The following ACYP2 variants were observed in gnomAD, a reference collection of about 807,000 sequenced individuals.
ACYP2 encodes acylphosphatase-2.
Under a neutral mutation model 11.2 loss-of-function variants are expected in ACYP2, and 12 were observed. That is an observed-to-expected ratio of 1.08 (90% CI 0.69 to 1.74). The LOEUF is 1.74. Among genes scored for constraint, ACYP2 ranks in the 40% most tolerant of loss-of-function variants. The pLI is 0.00. For synonymous variants in ACYP2, 43 were observed against 32.2 expected (o/e 1.33, Z -1.13); for missense variants, 134 against 101.9 (o/e 1.31, Z -1.35).
intron 6 of ACYP2, among the ~76,000 whole-genome samples, chr2:54,190,070 A>G (rs10210106): frequency 0.1 from 15,771 of 152,082 alleles, 1,824 homozygotes; most frequent in African/African-American, 0.28. Flanking sequence ...TTTTCTTGCT[A>G]TTGAGTTGTA....
At chr2:54,173,729 A>G (rs1025145785) in intron 6 of ACYP2, among the ~76,000 whole-genome samples, 2 of 152,152 alleles carry the variant, frequency 1.3e-5, no homozygotes. Flanking sequence ...GGTGTAAGGA[A>G]GGGATCCAGT....
chr2:53,993,856 T>G (rs2104521167), intron 2 of ACYP2, among the ~76,000 whole-genome samples: 1 of 151,492 alleles, frequency 6.6e-6, no homozygotes, highest in African/African-American at 2.4e-5. Flanking sequence ...ATTTGTAAAG[T>G]AAGGAAGAAA....
intron 2 of ACYP2, among the ~76,000 whole-genome samples, chr2:54,028,507 C>T (rs561065330): frequency 6.6e-6 from 1 of 152,248 alleles, no homozygotes; most frequent in African/African-American, 2.4e-5. Flanking sequence ...TACTTAAAGT[C>T]CAGACCCACC....
chr2:54,046,722 T>G (rs1475844476), intron 2 of ACYP2, among the ~76,000 whole-genome samples: 1 of 152,168 alleles, frequency 6.6e-6, no homozygotes, highest in Non-Finnish European at 1.5e-5. Context: ...GCCCTGTGCT[T>G]AGAAGGGCTT....
chr2:54,232,918 G>C (rs763022992), intron 6 of ACYP2, among the ~76,000 whole-genome samples: 1 of 152,098 alleles, frequency 6.6e-6, no homozygotes, highest in Non-Finnish European at 1.5e-5. Flanking sequence ...ATGAGATTTG[G>C]GTGGGGACAC....
chr2:54,153,408 A>T (rs1682275493), intron 6 of ACYP2, among the ~76,000 whole-genome samples: 1 of 150,164 alleles, frequency 6.7e-6, no homozygotes. Context: ...AGTCAGGTAG[A>T]ATGTTGCCTC....
intron 6 of ACYP2, among the ~76,000 whole-genome samples, chr2:54,195,459 G>A (rs76323580): frequency 0.014 from 2,130 of 152,178 alleles, 58 homozygotes; most frequent in African/African-American, 0.047. Flanking sequence ...AAGAGAGGGT[G>A]GTTTTTCTCT....
At chr2:54,147,904 A>G (rs918689089) in intron 6 of ACYP2, among the ~76,000 whole-genome samples, 14 of 152,164 alleles carry the variant, frequency 9.2e-5, no homozygotes, top group Admixed American at 6.5e-4. Context: ...ATTTTCAGCT[A>G]TAAGTTAACA....
At chr2:54,255,263 A>C in intron 6 of ACYP2, 1 of 1,614,212 alleles carries the variant, frequency 6.2e-7, no homozygotes, top group East Asian at 2.2e-5. Context: ...CTTTGAAAGA[A>C]GAACTTAAAC....
At chr2:54,216,668 G>C (rs1454155935) in intron 6 of ACYP2, among the ~76,000 whole-genome samples, 1 of 152,030 alleles carries the variant, frequency 6.6e-6, no homozygotes, top group East Asian at 1.9e-4. Flanking sequence ...CTCCTGAGTA[G>C]CTGGGACTAC....
chr2:54,192,315 T>C (rs1684272774), intron 6 of ACYP2, among the ~76,000 whole-genome samples: 2 of 152,178 alleles, frequency 1.3e-5, no homozygotes, highest in African/African-American at 4.8e-5. Flanking sequence ...AAGAGAGTTT[T>C]AAAATTTTCC....
intron 2 of ACYP2, among the ~76,000 whole-genome samples, chr2:54,011,158 G>T (rs1432291032): frequency 6.6e-6 from 1 of 152,090 alleles, no homozygotes; most frequent in Non-Finnish European, 1.5e-5. Flanking sequence ...TGAGAATCAA[G>T]CTTAAATATC....
At chr2:54,082,253 C>CT (rs59568295) in intron 4 of ACYP2, among the ~76,000 whole-genome samples, 18,043 of 143,824 alleles carry the variant, frequency 0.13, 1,158 homozygotes, top group East Asian at 0.32. Context: ...TTTTTTTTTT[C>CT]TTTTTTTTTT....
chr2:54,163,848 C>T (rs919215670), intron 6 of ACYP2, among the ~76,000 whole-genome samples: 1 of 151,876 alleles, frequency 6.6e-6, no homozygotes. Context: ...AAGAGCAAAA[C>T]TCTGTCTCAA....
chr2:53,995,875 A>G (rs963212534), intron 2 of ACYP2, among the ~76,000 whole-genome samples: 1 of 152,154 alleles, frequency 6.6e-6, no homozygotes, highest in African/African-American at 2.4e-5. Flanking sequence ...GTTCACGCCT[A>G]TAATCCCAGC....
At chr2:54,065,176 G>A (rs1676682134) in intron 4 of ACYP2, among the ~76,000 whole-genome samples, 1 of 152,180 alleles carries the variant, frequency 6.6e-6, no homozygotes, top group Admixed American at 6.5e-5. Context: ...AGTTGCAGTG[G>A]TAACACAGAG....
intron 4 of ACYP2, among the ~76,000 whole-genome samples, chr2:54,095,604 G>A (rs1226601599): frequency 6.8e-6 from 1 of 147,416 alleles, no homozygotes; most frequent in Non-Finnish European, 1.5e-5. Flanking sequence ...GGCTGGCCGA[G>A]TGGGGGGCTG....
At chr2:54,258,535 G>T (rs1158612332) in intron 6 of ACYP2, among the ~76,000 whole-genome samples, 1 of 152,200 alleles carries the variant, frequency 6.6e-6, no homozygotes, top group East Asian at 1.9e-4. Flanking sequence ...AATTACTACA[G>T]GATTTTGAGC....
chr2:54,160,191 G>A (rs960824235), intron 6 of ACYP2, among the ~76,000 whole-genome samples: 8 of 152,224 alleles, frequency 5.3e-5, no homozygotes, highest in Admixed American at 3.3e-4. Context: ...TGTCAGGATC[G>A]TGTCTGTAGG....
Sources: gnomAD v4.1 joint callset for allele counts (sites outside exome capture counted in the v4.1 genomes callset) on GRCh38, gnomAD v4.1.1 for gene constraint, MANE v1.5 for transcripts, NCBI Gene and HGNC (gene_info 2026-07-23, HGNC 2026-07-21) for gene names.